PTPRT: variants seen among roughly 807,000 people sequenced by gnomAD.
The protein encoded by PTPRT is receptor-type tyrosine-protein phosphatase T.
Under a neutral mutation model 176.8 loss-of-function variants are expected in PTPRT, and 56 were observed. The observed-to-expected ratio is 0.32, with a 90% CI of 0.26 to 0.40. The LOEUF (loss-of-function observed/expected upper bound fraction) is 0.40. PTPRT is among the 10% of genes least tolerant of loss of function. The probability of loss-of-function intolerance (pLI) is 1.00; values close to 1 mark genes in which losing one functional copy is unlikely to be tolerated. For missense variants in PTPRT, 1,540 were observed against 1,908.2 expected (o/e 0.81, Z 3.60); for synonymous variants, 783 against 739.0 (o/e 1.06, Z -0.96).
intron 6 of PTPRT, among the ~76,000 whole-genome samples, chr20:42,730,549 G>A (rs901116901): frequency 6.6e-6 from 1 of 152,214 alleles, no homozygotes; most frequent in African/African-American, 2.4e-5. Flanking sequence ...AGTTCAGGGT[G>A]TGTGGTTACC....
chr20:42,807,761 TTCAC>T (rs1337800036), intron 2 of PTPRT, among the ~76,000 whole-genome samples: 2 of 152,242 alleles, frequency 1.3e-5, no homozygotes, highest in African/African-American at 2.4e-5. Flanking sequence ...CATTCATTTG[TTCAC>T]TCATTCATTC....
At chr20:42,773,490 A>C (rs2077091750) in intron 4 of PTPRT, among the ~76,000 whole-genome samples, 1 of 152,168 alleles carries the variant, frequency 6.6e-6, no homozygotes, top group Non-Finnish European at 1.5e-5. Context: ...TTTTTAAACT[A>C]ATGACAGCAG....
intron 12 of PTPRT, among the ~76,000 whole-genome samples, chr20:42,288,645 C>A (rs1169553041): frequency 2.6e-5 from 4 of 151,982 alleles, no homozygotes; most frequent in Non-Finnish European, 2.9e-5. Context: ...CACTAATTTT[C>A]TTAGGATAAT....
At chr20:42,057,835 T>TC in the PTPRT span, among the ~76,000 whole-genome samples, 1 of 152,092 alleles carries the variant, frequency 6.6e-6, no homozygotes, top group East Asian at 1.9e-4. Context: ...CACCTTGGCC[T>TC]CCCCCTGTGC....
At chr20:42,425,502 G>A (rs1368185805) in intron 9 of PTPRT, among the ~76,000 whole-genome samples, 1 of 152,130 alleles carries the variant, frequency 6.6e-6, no homozygotes. Context: ...GTCAATGGAT[G>A]CAAAGGTTCA....
chr20:42,728,871 G>A (rs2076419143), intron 6 of PTPRT, among the ~76,000 whole-genome samples: 1 of 152,098 alleles, frequency 6.6e-6, no homozygotes, highest in South Asian at 2.1e-4. Flanking sequence ...CCTAGCCACT[G>A]GCAAAATGCA....
intron 6 of PTPRT, among the ~76,000 whole-genome samples, chr20:42,705,495 G>A (rs1489860912): frequency 6.6e-6 from 1 of 152,060 alleles, no homozygotes; most frequent in East Asian, 1.9e-4. Flanking sequence ...CACAAGGAAA[G>A]GGAATATCAC....
intron 1 of PTPRT, chr20:42,971,611 C>T (rs545078876): frequency 2.0e-5 from 3 of 152,170 alleles, no homozygotes; most frequent in Middle Eastern, 3.2e-3. Context: ...GCTTCAAACA[C>T]ATCAAGTATA....
intron 30 of PTPRT, among the ~76,000 whole-genome samples, chr20:42,081,362 C>G (rs929108273): frequency 6.6e-6 from 1 of 152,152 alleles, no homozygotes; most frequent in African/African-American, 2.4e-5. Flanking sequence ...TTGACTAAGA[C>G]CACTATTCGA....
At chr20:42,331,360 C>G (rs1455299455) in intron 11 of PTPRT, among the ~76,000 whole-genome samples, 1 of 151,934 alleles carries the variant, frequency 6.6e-6, no homozygotes, top group East Asian at 1.9e-4. Flanking sequence ...GATGTCTCCC[C>G]TTGCAACAAA....
chr20:42,620,156 A>T (rs1171639171), intron 7 of PTPRT, among the ~76,000 whole-genome samples: 1 of 146,720 alleles, frequency 6.8e-6, no homozygotes, highest in African/African-American at 2.6e-5. Context: ...TTTTCCTTCT[A>T]ACAGACAGGA....
chr20:42,133,066 A>G (rs1456706223), intron 18 of PTPRT, among the ~76,000 whole-genome samples: 5 of 152,094 alleles, frequency 3.3e-5, no homozygotes. Flanking sequence ...ACACATATAA[A>G]CGTTCTGTTT....
At chr20:43,043,412 ATAGT>A (rs905640472) in intron 1 of PTPRT, among the ~76,000 whole-genome samples, 1 of 152,216 alleles carries the variant, frequency 6.6e-6, no homozygotes, top group Non-Finnish European at 1.5e-5. Flanking sequence ...AAAATAAGCA[ATAGT>A]TAGTATTAAC....
intron 1 of PTPRT, among the ~76,000 whole-genome samples, chr20:43,068,637 A>T (rs1006523801): frequency 6.6e-6 from 1 of 152,126 alleles, no homozygotes; most frequent in Non-Finnish European, 1.5e-5. Context: ...TTTAAGAGCA[A>T]GATCAAGGAC....
At chr20:42,259,321 C>CT (rs918419940) in intron 13 of PTPRT, among the ~76,000 whole-genome samples, 5 of 152,120 alleles carry the variant, frequency 3.3e-5, no homozygotes, top group East Asian at 1.9e-4. Context: ...AAGAAAGTGT[C>CT]TTTTTTTTAT....
chr20:42,943,183 G>GAGTT (rs1463716718), intron 1 of PTPRT, among the ~76,000 whole-genome samples: 1 of 152,184 alleles, frequency 6.6e-6, no homozygotes, highest in African/African-American at 2.4e-5. Flanking sequence ...GACAGAAGCC[G>GAGTT]AGTTGCCTGG....
intron 12 of PTPRT, among the ~76,000 whole-genome samples, chr20:42,294,138 A>G (rs1316823464): frequency 6.6e-6 from 1 of 152,184 alleles, no homozygotes; most frequent in Non-Finnish European, 1.5e-5. Flanking sequence ...AACAAGAGCT[A>G]TGTAAAAACA....
Position 42,760,735 on chromosome 20 carries a change from C to T in PTPRT, c.685-4099G>A, listed in dbSNP as rs182556611. On this transcript the variant is annotated intron_variant, in intron 5 of 30. Transcript: ENST00000373187. ...GTGGTCCCTGAATCTACAGCATCGG[C>T]CTCATCTGGGAACTTGTTAGAAATG... Among the ~76,000 whole-genome samples the T allele has an allele frequency of 4.4e-4, 67 of 152,172 alleles. 1 individual carries two copies. The highest frequency in any genetic ancestry group is 4.3e-3 in the Admixed American group (66 of 15,286).
At chr20:42,515,043 T>G (rs2072035130) in intron 7 of PTPRT, among the ~76,000 whole-genome samples, 1 of 152,130 alleles carries the variant, frequency 6.6e-6, no homozygotes, top group South Asian at 2.1e-4. Context: ...CCACTGGGGG[T>G]TTTATCTTAA....
Sources: gnomAD v4.1 joint callset for allele counts (sites outside exome capture counted in the v4.1 genomes callset) on GRCh38, gnomAD v4.1.1 for gene constraint, MANE v1.5 for transcripts, NCBI Gene and HGNC (gene_info 2026-07-23, HGNC 2026-07-21) for gene names.